SLC1A3: variants seen among roughly 807,000 people sequenced by gnomAD.
The protein encoded by SLC1A3 is solute carrier family 1 member 3.
SLC1A3 carries 21 observed loss-of-function variants against 48.1 expected under a neutral mutation model. The ratio of observed to expected loss-of-function variants is 0.44; its 90% CI spans 0.31 to 0.63. The LOEUF (loss-of-function observed/expected upper bound fraction) is 0.63, where lower values mean the gene tolerates loss of function less well. SLC1A3 is among the 20% of genes least tolerant of loss of function. SLC1A3 has a pLI of 0.08. For missense variants in SLC1A3, 546 were observed against 689.0 expected, an observed-to-expected ratio of 0.79 and a Z score of 2.32; for synonymous variants, 239 against 251.4, an observed-to-expected ratio of 0.95 and a Z score of 0.47.
intron 1 of SLC1A3, among the ~76,000 whole-genome samples, chr5:36,600,409 T>G (rs1738794736): frequency 6.6e-6 from 1 of 152,210 alleles, no homozygotes; most frequent in Non-Finnish European, 1.5e-5. Flanking sequence ...TCAGGTCTCC[T>G]GACCCCCAGT....
intron 2 of SLC1A3, among the ~76,000 whole-genome samples, chr5:36,622,133 G>A (rs1249336047): frequency 1.3e-5 from 2 of 152,158 alleles, no homozygotes; most frequent in Non-Finnish European, 2.9e-5. Context: ...AGGTTTTTCT[G>A]GGCAATGGGT....
intron 2 of SLC1A3, among the ~76,000 whole-genome samples, chr5:36,616,404 T>G (rs1310431755): frequency 2.0e-5 from 3 of 152,202 alleles, no homozygotes; most frequent in African/African-American, 7.2e-5. Flanking sequence ...GCTCCCTTTT[T>G]CCCTTTGTAT....
intron 1 of SLC1A3, among the ~76,000 whole-genome samples, chr5:36,601,026 A>T (rs1738802113): frequency 6.6e-6 from 1 of 152,250 alleles, no homozygotes; most frequent in African/African-American, 2.4e-5. Context: ...GACTTACAAT[A>T]AACAATACCC....
intron 2 of SLC1A3, among the ~76,000 whole-genome samples, chr5:36,616,507 G>A (rs1301300749): frequency 6.6e-6 from 1 of 152,162 alleles, no homozygotes; most frequent in Non-Finnish European, 1.5e-5. Flanking sequence ...TGTCTCCAGA[G>A]AGGGCAACTC....
chr5:36,668,750 A>G (rs545823041), intron 3 of SLC1A3: 6 of 152,316 alleles, frequency 3.9e-5, no homozygotes, highest in African/African-American at 1.4e-4. Flanking sequence ...ATGTTTTCAT[A>G]TTGGTTTTTA....
intron 1 of SLC1A3, among the ~76,000 whole-genome samples, chr5:36,596,827 G>A (rs1437722548): frequency 6.6e-6 from 1 of 152,194 alleles, no homozygotes; most frequent in Non-Finnish European, 1.5e-5. Flanking sequence ...CAATTGTGAC[G>A]ATTTGGTGAA....
At position 36,680,465 on chromosome 5, in the gene SLC1A3, T is replaced by C. The variant is rs762409451; in HGVS notation, c.1165T>C (p.Phe389Leu). Reference sequence around the variant, plus strand: ...TGGCGTGGACAAGCGCGTCACCAGATTCGTGCTCCCCGTAGGAGCCACCAT... The same window carrying C: ...TGGCGTGGACAAGCGCGTCACCAGACTCGTGCTCCCCGTAGGAGCCACCAT... ...NNGVDKRVTR[F>L]VLPVGATINM... The change falls in exon 8 of 10, where the codon TTC becomes CTC. Residue 389 changes from phenylalanine to leucine, a missense_variant. Transcript: ENST00000265113. 4 of 1,614,216 alleles carry C rather than the reference T, an allele frequency of 2.5e-6. No homozygotes were observed. In the East Asian group the frequency reaches 8.9e-5, roughly 36 times the overall value.
chr5:36,644,018 T>A (rs971468031), intron 3 of SLC1A3, among the ~76,000 whole-genome samples: 9 of 68,336 alleles, frequency 1.3e-4, no homozygotes, highest in Non-Finnish European at 2.6e-4. Flanking sequence ...TCTCAAAAAA[T>A]AAATAAATAA....
upstream of SLC1A3, among the ~76,000 whole-genome samples, chr5:36,604,731 C>T (rs1319550144): frequency 1.3e-5 from 2 of 152,006 alleles, no homozygotes; most frequent in African/African-American, 2.4e-5. Flanking sequence ...CAGGGTCTTC[C>T]CATCTCTATG....
intron 2 of SLC1A3, among the ~76,000 whole-genome samples, chr5:36,627,940 C>T (rs114489933): frequency 8.5e-4 from 129 of 152,278 alleles, no homozygotes; most frequent in African/African-American, 3.0e-3. Context: ...TACCCTCCTC[C>T]TGGGGTTGTT....
At chr5:36,639,304 C>T (rs1740519098) in intron 3 of SLC1A3, among the ~76,000 whole-genome samples, 1 of 152,238 alleles carries the variant, frequency 6.6e-6, no homozygotes, top group Non-Finnish European at 1.5e-5. Context: ...ATTAAACATA[C>T]TGCCTGACAC....
At chr5:36,656,115 G>C (rs983477187) in intron 3 of SLC1A3, among the ~76,000 whole-genome samples, 3 of 152,146 alleles carry the variant, frequency 2.0e-5, no homozygotes, top group Non-Finnish European at 4.4e-5. Flanking sequence ...TAATTGGTCA[G>C]TGACTTTTTA....
chr5:36,601,637 A>G (rs1053013826), upstream of SLC1A3, among the ~76,000 whole-genome samples: 1 of 152,112 alleles, frequency 6.6e-6, no homozygotes, highest in Non-Finnish European at 1.5e-5. Flanking sequence ...TGTAGAATCC[A>G]CACATTAAGG....
At position 36,674,082 on chromosome 5, in the gene SLC1A3, C is replaced by T. The variant is rs772359617; in HGVS notation, c.558C>T (p.Cys186=). Residue 186 remains cysteine, a synonymous_variant, in exon 5 of 10, where the codon TGC becomes TGT. Coordinates refer to ENST00000265113, the MANE Select transcript of SLC1A3 (RefSeq NM_004172.5). ...NMFPPNLVEA[C]FKQFKTNYEK... ...TCCCTCCAAATCTGGTAGAAGCCTG[C>T]TTTAAACAGGTAAACACTCTACAGA... 1.2e-6 allele frequency: 2 copies of T among 1,612,954 alleles called. No homozygotes were observed. Among genetic ancestry groups the T allele is most frequent in the Non-Finnish European group, 1.7e-6 (2 of 1,179,072 alleles).
rs565283131 is a variant in SLC1A3, at chr5:36,645,145, A to T, written c.319+15558A>T. Among the ~76,000 whole-genome samples the T allele has an allele frequency of 3.9e-5, 6 of 152,236 alleles. No individual in the cohort carries two copies. In the East Asian group the frequency reaches 9.7e-4, roughly 24 times the overall value. ...GCTTTTTATTATGAGCTCTAATTCC[A>T]AGTTAGTTATTTTTAATTCAGAAAG... On this transcript the variant is annotated intron_variant, in intron 3 of 9. Transcript: ENST00000265113.
intron 3 of SLC1A3, among the ~76,000 whole-genome samples, chr5:36,652,194 T>C (rs543286540): frequency 7.9e-5 from 12 of 152,336 alleles, no homozygotes; most frequent in African/African-American, 2.9e-4. Flanking sequence ...TGCCTGCTGT[T>C]GAAAGCAGTG....
At chr5:36,629,676 T>A (rs771472219) in intron 3 of SLC1A3, 89 bp downstream of exon 3, 11 of 1,131,126 alleles carry the variant, frequency 9.7e-6, no homozygotes, top group Non-Finnish European at 1.5e-5. Context: ...TTTAGGTTTC[T>A]GCTGGATGCA....
rs1350266609 is a variant in SLC1A3 at position 36,641,193 on chromosome 5, A to G, written c.319+11606A>G. ...TGTTTATGCTGTGAAATTTGGGGAC[A>G]AAATTTTTCATCATGGCATAATGTG... On this transcript the variant is annotated intron_variant, in intron 3 of 9. Coordinates refer to ENST00000265113, the MANE Select transcript of SLC1A3 (RefSeq NM_004172.5). Among the ~76,000 whole-genome samples, 4 of 152,348 alleles carry G rather than the reference A, an allele frequency of 2.6e-5. No individual in the cohort carries two copies. In the East Asian group the frequency reaches 7.7e-4, roughly 29 times the overall value.
chr5:36,631,343 T>C (rs1740125425), intron 3 of SLC1A3, among the ~76,000 whole-genome samples: 1 of 152,192 alleles, frequency 6.6e-6, no homozygotes, highest in Non-Finnish European at 1.5e-5. Flanking sequence ...CACCTTGAAG[T>C]GGAATTTCCT....
Sources: allele counts gnomAD v4.1 joint callset (sites outside exome capture counted in the v4.1 genomes callset), GRCh38; gene constraint gnomAD v4.1.1; transcripts MANE v1.5; gene names NCBI Gene and HGNC (gene_info 2026-07-23, HGNC 2026-07-21).